The following ZNF595 variants were observed in gnomAD, a reference collection of about 807,000 sequenced individuals.
The protein encoded by ZNF595 is zinc finger protein 595.
In ZNF595, 9 loss-of-function variants were observed where a neutral mutation model predicts 19.4. The ratio of observed to expected loss-of-function variants is 0.46; its 90% CI spans 0.28 to 0.81. The LOEUF (loss-of-function observed/expected upper bound fraction) is 0.81. Among genes scored for constraint, ZNF595 ranks in the 30% least tolerant of loss-of-function variants. The probability of loss-of-function intolerance (pLI) is 0.11; values close to 1 mark genes in which losing one functional copy is unlikely to be tolerated. For missense variants in ZNF595, 729 were observed against 736.0 expected, an observed-to-expected ratio of 0.99 and a Z score of 0.11; for synonymous variants, 255 against 255.9, an observed-to-expected ratio of 1.00 and a Z score of 0.03.
chr4:66,357 G>A (rs1455345978), intron 3 of ZNF595, among the ~76,000 whole-genome samples: 11 of 149,962 alleles, frequency 7.3e-5, no homozygotes, highest in African/African-American at 2.7e-4. Context: ...AGTTGTTCTG[G>A]ATGTTATCTT....
Position 85,756 on chromosome 4 carries a change from C to G in ZNF595, c.252C>G (p.Asp84Glu), listed in dbSNP as rs1223905783. 1.9e-6 allele frequency: 3 copies of G among 1,594,672 alleles called. No individual in the cohort carries two copies. In the African/African-American group the frequency reaches 4.0e-5, roughly 22 times the overall value. The stretch of plus-strand genomic sequence containing the variant: ...CTATATGTTCTCCTTTCAGCCAAGA[C>G]CTTTCACCAGTGCAGGGGATAGAAG... The part of the protein sequence containing the change: ...PPAICSPFSQ[D>E]LSPVQGIEDS... Residue 84 changes from aspartate to glutamate, a missense_variant, in exon 4 of 4, where the codon GAC becomes GAG. Transcript: ENST00000610261.
At chr4:81,790 T>G (rs1170976832) in intron 3 of ZNF595, among the ~76,000 whole-genome samples, 2 of 152,212 alleles carry the variant, frequency 1.3e-5, no homozygotes, top group Admixed American at 6.5e-5. Context: ...ATACAGTTTC[T>G]CTTCATGGTT....
At chr4:77,334 T>A (rs961153732) in intron 3 of ZNF595, among the ~76,000 whole-genome samples, 30 of 152,082 alleles carry the variant, frequency 2.0e-4, no homozygotes, top group African/African-American at 5.5e-4. Context: ...AAAAAAAAAA[T>A]TAGTATTTTT....
At chr4:84,494 A>G (rs1026424928) in intron 3 of ZNF595, among the ~76,000 whole-genome samples, 3 of 152,142 alleles carry the variant, frequency 2.0e-5, no homozygotes, top group Non-Finnish European at 2.9e-5. Context: ...TCCTGCTTAC[A>G]AGCTTTCTTT....
chr4:78,288 G>A (rs544026392), intron 3 of ZNF595, among the ~76,000 whole-genome samples: 13 of 152,306 alleles, frequency 8.5e-5, no homozygotes, highest in South Asian at 2.1e-4. Context: ...GATTACAGGC[G>A]TGAGCCACCG....
At chr4:73,646 CTT>C (rs1389936785) in intron 3 of ZNF595, among the ~76,000 whole-genome samples, 7 of 152,228 alleles carry the variant, frequency 4.6e-5, no homozygotes, top group Non-Finnish European at 8.8e-5. Context: ...CCCACCTCCT[CTT>C]TTCCCGCACT....
intron 3 of ZNF595, among the ~76,000 whole-genome samples, chr4:78,530 T>C (rs1553799198): frequency 6.6e-6 from 1 of 152,230 alleles, no homozygotes; most frequent in Admixed American, 6.5e-5. Flanking sequence ...ACTTGAGTGG[T>C]CACCAGTGTT....
chr4:81,791 C>T (rs537831270), intron 3 of ZNF595, among the ~76,000 whole-genome samples: 2 of 152,140 alleles, frequency 1.3e-5, no homozygotes, highest in Non-Finnish European at 2.9e-5. Context: ...TACAGTTTCT[C>T]TTCATGGTTG....
Position 85,851 on chromosome 4 carries a change from G to A in ZNF595, c.347G>A (p.Gly116Asp). The change falls in exon 4 of 4, where the codon GGC becomes GAC. Residue 116 changes from glycine to aspartate, a missense_variant. Transcript: ENST00000610261. ...CATGAGAATTTACAATTAAGAAAAGGCTGTAAACGTGTGAATGAGTGTAAG... is the reference window on the plus strand; with the variant it reads ...CATGAGAATTTACAATTAAGAAAAGACTGTAAACGTGTGAATGAGTGTAAG... The part of the protein sequence containing the change: ...CGHENLQLRK[G>D]CKRVNECKVQ... 6.2e-7 allele frequency: 1 copy of A among 1,613,988 alleles called. No individual in the cohort carries two copies. Among genetic ancestry groups the A allele is most frequent in the Non-Finnish European group, 8.5e-7 (1 of 1,179,948 alleles).
In ZNF595 at chr4:87,779, G is replaced by T. The variant is rs1714300504; in HGVS notation, c.*328G>T. ...TCTGTCGCCCAGGCTGGAGCGCAGT[G>T]GTGCGATCTTGGCTCACTGCAACCT... On this transcript the variant is annotated 3_prime_UTR_variant, in exon 4 of 4. Coordinates refer to ENST00000610261, the MANE Select transcript of ZNF595 (RefSeq NM_182524.4). The T allele has an allele frequency of 6.5e-6, 1 of 152,872 alleles. No individual in the cohort carries two copies. Among genetic ancestry groups the T allele is most frequent in the South Asian group, 2.0e-4 (1 of 5,088 alleles). 9.5% of individuals were successfully genotyped at this position (152,872 alleles called of 1,614,324 possible).
chr4:73,933 G>C (rs1172742862), intron 3 of ZNF595, among the ~76,000 whole-genome samples: 3 of 152,074 alleles, frequency 2.0e-5, no homozygotes, highest in Non-Finnish European at 4.4e-5. Context: ...CCGTGGTGTT[G>C]TCAGAATTGA....
Position 86,672 on chromosome 4 carries a change from C to G in ZNF595, c.1168C>G (p.His390Asp). 6.2e-7 allele frequency: 1 copy of G among 1,613,568 alleles called. No homozygotes were observed. Among genetic ancestry groups the G allele is most frequent in the African/African-American group, 1.3e-5 (1 of 74,956 alleles). ...ATCCCTTAATAAACATAAGAGAATT[C>G]ATACTGGAGAGAAACCCTACACATG... ...SSSLNKHKRI[H>D]TGEKPYTCEE... Residue 390 changes from histidine (H) to aspartate (D), a missense_variant, in exon 4 of 4, where the codon CAT becomes GAT. Physicochemically the swap from His to Asp is moderately conservative, Grantham distance 81 (BLOSUM62 -1). Coordinates refer to ENST00000610261, the MANE Select transcript of ZNF595 (RefSeq NM_182524.4).
intron 3 of ZNF595, among the ~76,000 whole-genome samples, chr4:76,933 ATTAG>A (rs1434839377): frequency 6.6e-6 from 1 of 152,130 alleles, no homozygotes; most frequent in African/African-American, 2.4e-5. Flanking sequence ...GGCAATTGTT[ATTAG>A]TTCCTTCTGC....
At chr4:63,989 C>T (rs1581327463) in intron 3 of ZNF595, among the ~76,000 whole-genome samples, 1,290 of 134,394 alleles carry the variant, frequency 9.6e-3, no homozygotes, top group African/African-American at 0.024. Context: ...GCCTCCAGGG[C>T]CACAGCTTCT....
At chr4:73,739 G>A (rs1189990940) in intron 3 of ZNF595, among the ~76,000 whole-genome samples, 1 of 152,132 alleles carries the variant, frequency 6.6e-6, no homozygotes, top group East Asian at 1.9e-4. Flanking sequence ...CATAGGTAAA[G>A]TTTTTTCATT....
intron 3 of ZNF595, among the ~76,000 whole-genome samples, chr4:70,003 A>G (rs1038730560): frequency 1.3e-5 from 2 of 152,182 alleles, no homozygotes; most frequent in African/African-American, 4.8e-5. Context: ...TGTCCGGGCC[A>G]CTTACAGACT....
chr4:72,818 C>A (rs532982172), intron 3 of ZNF595, among the ~76,000 whole-genome samples: 1 of 152,254 alleles, frequency 6.6e-6, no homozygotes, highest in East Asian at 1.9e-4. Flanking sequence ...ATAACCTTGA[C>A]TGGGAATCAG....
chr4:70,159 G>A (rs959381304), intron 3 of ZNF595, among the ~76,000 whole-genome samples: 1 of 152,044 alleles, frequency 6.6e-6, no homozygotes, highest in Non-Finnish European at 1.5e-5. Flanking sequence ...AGCACCAACG[G>A]TAGATAATTA....
intron 1 of ZNF595, among the ~76,000 whole-genome samples, chr4:54,229 A>G (rs13340248): frequency 2.9e-5 from 3 of 101,720 alleles, no homozygotes; most frequent in African/African-American, 1.0e-4. Flanking sequence ...AGTTGTGGGA[A>G]GAGCGCTGAG....
Sources: gnomAD v4.1 joint callset for allele counts (sites outside exome capture counted in the v4.1 genomes callset) on GRCh38, gnomAD v4.1.1 for gene constraint, MANE v1.5 for transcripts, NCBI Gene and HGNC (gene_info 2026-07-23, HGNC 2026-07-21) for gene names.